TNR: variants seen among roughly 807,000 people sequenced by gnomAD.
TNR encodes the protein tenascin R.
Under a neutral mutation model 150.4 loss-of-function variants are expected in TNR, and 45 were observed. The ratio of observed to expected loss-of-function variants is 0.30; its 90% CI spans 0.24 to 0.38. TNR has a LOEUF of 0.38. Ranked by LOEUF, TNR falls within the 10% of genes least tolerant of loss-of-function variation. TNR has a pLI of 1.00. For missense variants in TNR, 1,544 were observed against 1,759.1 expected (o/e 0.88, Z 2.19); for synonymous variants, 687 against 678.4 (o/e 1.01, Z -0.20).
intron 1 of TNR, among the ~76,000 whole-genome samples, chr1:175,591,825 G>A (rs1271116598): frequency 6.6e-6 from 1 of 152,098 alleles, no homozygotes; most frequent in Non-Finnish European, 1.5e-5. Context: ...GACTTGCTTT[G>A]GACAAGCAAT....
intron 15 of TNR, among the ~76,000 whole-genome samples, 180 bp downstream of exon 15, chr1:175,359,432 C>T (rs1325229304): frequency 2.6e-5 from 4 of 152,040 alleles, no homozygotes; most frequent in Non-Finnish European, 5.9e-5. Flanking sequence ...AAGTGTGAGC[C>T]ACGATGCCCA....
intron 17 of TNR, among the ~76,000 whole-genome samples, 195 bp from the exon 18 acceptor site, chr1:175,354,718 G>C (rs758427507): frequency 3.2e-4 from 48 of 152,300 alleles, no homozygotes; most frequent in Non-Finnish European, 5.3e-4. Flanking sequence ...ATTTAGGCCA[G>C]CTCCTATCTC....
In TNR at chr1:175,594,700, C is replaced by T. The variant is rs116116242; in HGVS notation, c.-164-66331G>A. Among the ~76,000 whole-genome samples the T allele has an allele frequency of 8.3e-3, 1,254 of 151,764 alleles. 11 individuals carry two copies. Among genetic ancestry groups the T allele is most frequent in the African/African-American group, 0.028 (1,164 of 41,360 alleles). Reference sequence around the variant, plus strand: ...CAAATCCCCATCTCTACAAAAGATACAAAAATTATCCATGCATAGTGGTGC... The same window carrying T: ...CAAATCCCCATCTCTACAAAAGATATAAAAATTATCCATGCATAGTGGTGC... On this transcript the variant is annotated intron_variant, in intron 1 of 22. Transcript: ENST00000367674.
intron 1 of TNR, among the ~76,000 whole-genome samples, chr1:175,712,250 C>T (rs1283326549): frequency 1.3e-5 from 2 of 152,150 alleles, no homozygotes; most frequent in Admixed American, 1.3e-4. Context: ...CTTGCCCAAG[C>T]TCACACAGCT....
intron 2 of TNR, among the ~76,000 whole-genome samples, chr1:175,466,367 C>T (rs992560748): frequency 1.3e-5 from 2 of 152,156 alleles, no homozygotes; most frequent in Non-Finnish European, 1.5e-5. Flanking sequence ...CCCCTTGTTC[C>T]CCAGTTCTAG....
chr1:175,394,104 T>A (rs1653308852), intron 5 of TNR, among the ~76,000 whole-genome samples: 1 of 152,264 alleles, frequency 6.6e-6, no homozygotes, highest in Non-Finnish European at 1.5e-5. Context: ...ATGGAATACA[T>A]GAGTTAACTT....
chr1:175,319,557 G>C lies in TNR; in HGVS notation c.*3800C>G, dbSNP rs1240197847. On this transcript the variant is annotated 3_prime_UTR_variant, in exon 23 of 23. Coordinates refer to ENST00000367674, the MANE Select transcript of TNR (RefSeq NM_003285.3). Reference sequence around the variant, plus strand: ...GGTTGGTTCTCAGGTGGAAGGAAGCGGGGCATTAGGAGTCCTACCACTTTA... The same window carrying C: ...GGTTGGTTCTCAGGTGGAAGGAAGCCGGGCATTAGGAGTCCTACCACTTTA... The C allele has an allele frequency of 2.0e-5, 3 of 152,348 alleles. No individual in the cohort carries two copies. Among genetic ancestry groups the C allele is most frequent in the Non-Finnish European group, 4.4e-5 (3 of 68,040 alleles). The allele number at this position is 152,348 out of a possible 1,614,324, so 9.4% of individuals were successfully genotyped here.
chr1:175,424,528 C>T (rs990740696), intron 2 of TNR, among the ~76,000 whole-genome samples: 1 of 152,156 alleles, frequency 6.6e-6, no homozygotes, highest in African/African-American at 2.4e-5. Context: ...TTGTTTGGTC[C>T]TGATTAGAAT....
At chr1:175,377,847 C>G (rs1269908140) in intron 9 of TNR, among the ~76,000 whole-genome samples, 1 of 152,186 alleles carries the variant, frequency 6.6e-6, no homozygotes, top group Non-Finnish European at 1.5e-5. Context: ...TTGGCAGCTC[C>G]TGGTCCATGA....
chr1:175,702,186 C>A (rs949462739), intron 1 of TNR, among the ~76,000 whole-genome samples: 13 of 152,144 alleles, frequency 8.5e-5, no homozygotes, highest in African/African-American at 3.1e-4. Flanking sequence ...TGCTAAATGA[C>A]CACACACTGG....
chr1:175,711,750 C>A (rs1018799522), intron 1 of TNR, among the ~76,000 whole-genome samples: 1 of 152,080 alleles, frequency 6.6e-6, no homozygotes, highest in East Asian at 1.9e-4. Context: ...AAAGATGGAA[C>A]GAATGGGGAT....
chr1:175,548,297 G>A (rs1660794096), intron 1 of TNR, among the ~76,000 whole-genome samples: 1 of 151,846 alleles, frequency 6.6e-6, no homozygotes, highest in Non-Finnish European at 1.5e-5. Context: ...TTCTGAAGAG[G>A]AAGCACAGAG....
intron 2 of TNR, among the ~76,000 whole-genome samples, chr1:175,485,460 T>C (rs1657970892): frequency 6.6e-6 from 1 of 152,076 alleles, no homozygotes; most frequent in Admixed American, 6.5e-5. Context: ...GAGAAAGGGT[T>C]TGGGGTGGGG....
chr1:175,723,123 A>T (rs1667362849), intron 1 of TNR, among the ~76,000 whole-genome samples: 1 of 151,818 alleles, frequency 6.6e-6, no homozygotes, highest in South Asian at 2.1e-4. Context: ...CATTTGTATA[A>T]TATTACATGA....
At chr1:175,467,073 G>A (rs1657067616) in intron 2 of TNR, among the ~76,000 whole-genome samples, 1 of 151,936 alleles carries the variant, frequency 6.6e-6, no homozygotes, top group Admixed American at 6.6e-5. Context: ...ACCCATCAGG[G>A]CAACATTAAA....
chr1:175,735,497 T>C (rs961344609), intron 1 of TNR, among the ~76,000 whole-genome samples: 1 of 152,182 alleles, frequency 6.6e-6, no homozygotes, highest in Non-Finnish European at 1.5e-5. Context: ...AAACAGGCTA[T>C]CCACACAAAC....
At chr1:175,517,283 C>T (rs746025540) in intron 2 of TNR, among the ~76,000 whole-genome samples, 15 of 152,174 alleles carry the variant, frequency 9.9e-5, no homozygotes, top group Admixed American at 4.6e-4. Flanking sequence ...TGCTGCCTAT[C>T]GCCATAGTGG....
At chr1:175,605,444 A>G (rs993677257) in intron 1 of TNR, among the ~76,000 whole-genome samples, 1 of 152,230 alleles carries the variant, frequency 6.6e-6, no homozygotes, top group Non-Finnish European at 1.5e-5. Context: ...ATGAGCACCT[A>G]TCATGTACTA....
chr1:175,472,214 G>A (rs1657325641), intron 2 of TNR, among the ~76,000 whole-genome samples: 1 of 152,082 alleles, frequency 6.6e-6, no homozygotes, highest in African/African-American at 2.4e-5. Context: ...CAATATCACT[G>A]TCTTCCACCT....
Sources: gnomAD v4.1 joint callset for allele counts (sites outside exome capture counted in the v4.1 genomes callset) on GRCh38, gnomAD v4.1.1 for gene constraint, MANE v1.5 for transcripts, NCBI Gene and HGNC (gene_info 2026-07-23, HGNC 2026-07-21) for gene names.